The following TMEM39B variants were observed in gnomAD, a reference collection of about 807,000 sequenced individuals.
TMEM39B encodes the protein transmembrane protein 39B.
Under a neutral mutation model 52.2 loss-of-function variants are expected in TMEM39B, and 23 were observed. The observed-to-expected ratio is 0.44, with a 90% confidence interval of 0.32 to 0.62. TMEM39B has a LOEUF of 0.62. Among genes scored for constraint, TMEM39B ranks in the 20% least tolerant of loss-of-function variants. The probability of loss-of-function intolerance (pLI) is 0.06; values close to 1 mark genes in which losing one functional copy is unlikely to be tolerated. For missense variants in TMEM39B, 547 were observed against 642.0 expected (o/e 0.85, Z 1.60); for synonymous variants, 285 against 264.0 (o/e 1.08, Z -0.77).
chr1:32,077,950 G>A (rs968985062), intron 5 of TMEM39B, among the ~76,000 whole-genome samples: 2 of 152,192 alleles, frequency 1.3e-5, no homozygotes, highest in African/African-American at 4.8e-5. Flanking sequence ...GCATCAGGGA[G>A]AACTTTGGTG....
At chr1:32,076,556 A>T in intron 3 of TMEM39B, 2 of 691,178 alleles carry the variant, frequency 2.9e-6, no homozygotes, top group Non-Finnish European at 5.3e-6. Flanking sequence ...CCACTCTCTT[A>T]TCCCCAGGGA....
At chr1:32,072,058 A>G (rs1053138396), upstream of TMEM39B, 2 of 152,156 alleles carry the variant, frequency 1.3e-5, no homozygotes, top group African/African-American at 4.8e-5. Context: ...TACAGAATTT[A>G]CCAATTTTGT....
chr1:32,102,640 C>T lies in TMEM39B; in HGVS notation c.1446C>T (p.Ser482=). 1.2e-6 allele frequency: 2 copies of T among 1,602,160 alleles called. No homozygotes were observed. The highest frequency in any genetic ancestry group is 8.5e-7 in the Non-Finnish European group (1 of 1,173,060). Residue 482 remains serine (S), a synonymous_variant, in exon 9 of 9, where the codon AGC becomes AGT. Transcript: ENST00000336294. The part of the protein sequence containing the change: ...VLGKAYSYSA[S]PQRDLDHRFS ...GCAAGGCCTACTCATACTCTGCTAG[C>T]CCCCAGAGAGACCTGGACCACCGTT...
chr1:32,083,358 C>G (rs1640195413), intron 5 of TMEM39B, among the ~76,000 whole-genome samples: 1 of 146,724 alleles, frequency 6.8e-6, no homozygotes, highest in African/African-American at 2.5e-5. Context: ...GCTGGGATTA[C>G]AGGTGTGAGC....
At chr1:32,100,779 A>G (rs1028639243) in intron 8 of TMEM39B, 27 of 553,546 alleles carry the variant, frequency 4.9e-5, no homozygotes, top group South Asian at 4.5e-4. Context: ...TAATCCCAGC[A>G]CTTTGGGAGA....
intron 5 of TMEM39B, among the ~76,000 whole-genome samples, chr1:32,088,900 CCT>C (rs1239848626): frequency 3.9e-5 from 6 of 151,988 alleles, no homozygotes; most frequent in Non-Finnish European, 7.4e-5. Flanking sequence ...GAATCACTGG[CCT>C]CTTCCTTTTC....
chr1:32,093,437 G>C (rs1195836491), intron 6 of TMEM39B, among the ~76,000 whole-genome samples: 2 of 94,130 alleles, frequency 2.1e-5, no homozygotes, highest in African/African-American at 8.6e-5. Flanking sequence ...TTTAAGACTA[G>C]GTCTTGCTCT....
chr1:32,075,534 T>G, intron 2 of TMEM39B, 69 bp from the exon 3 acceptor site: 1 of 1,469,692 alleles, frequency 6.8e-7, no homozygotes, highest in Non-Finnish European at 9.2e-7. Context: ...CCACAATCCT[T>G]TGCCTCAGAA....
chr1:32,100,407 TG>T (rs1418972231), intron 7 of TMEM39B, 34 bp from the exon 8 acceptor site: 1 of 1,521,438 alleles, frequency 6.6e-7, no homozygotes, highest in African/African-American at 1.4e-5. Flanking sequence ...GTGGGTGAGC[TG>T]GGGATAAGGG....
chr1:32,100,374 C>T, intron 7 of TMEM39B, 68 bp from the exon 8 acceptor site: 1 of 1,489,644 alleles, frequency 6.7e-7, no homozygotes, highest in Non-Finnish European at 8.9e-7. Flanking sequence ...TTCCCTCCTG[C>T]CCATTCTTCT....
intron 2 of TMEM39B, 45 bp from the exon 3 acceptor site, chr1:32,075,558 G>A: frequency 1.3e-6 from 2 of 1,523,306 alleles, no homozygotes; most frequent in Non-Finnish European, 1.8e-6. Context: ...CTTCCTGGTA[G>A]GATTCTCAGG....
rs758005589 is a variant in TMEM39B, at chr1:32,077,178, G to T, written c.450G>T (p.Gly150=). ...CCCCGACCCAGGCCTCTCAGAGGGG[G>T]AAGGTCTCCCTCTTTCGCTCCATCC... ...GSIVKEASQR[G]KVSLFRSILL... is the part of the protein sequence containing the mutation. The change falls in exon 5 of 9, where the codon GGG becomes GGT. Residue 150 remains glycine, a synonymous_variant. Coordinates refer to ENST00000336294, the MANE Select transcript of TMEM39B (RefSeq NM_018056.4). The T allele has an allele frequency of 6.2e-7, 1 of 1,614,114 alleles. No homozygotes were observed. The highest frequency in any genetic ancestry group is 8.5e-7 in the Non-Finnish European group (1 of 1,180,030).
intron 5 of TMEM39B, among the ~76,000 whole-genome samples, chr1:32,088,847 G>A (rs1033996104): frequency 7.9e-5 from 12 of 152,022 alleles, no homozygotes; most frequent in African/African-American, 2.9e-4. Context: ...ACCCTGAAGA[G>A]TATTTCGGGA....
chr1:32,078,314 T>C (rs1639951221), intron 5 of TMEM39B, among the ~76,000 whole-genome samples: 1 of 151,974 alleles, frequency 6.6e-6, no homozygotes, highest in Non-Finnish European at 1.5e-5. Flanking sequence ...CGAAATCCTG[T>C]CTACTAAAAA....
rs745956202 is a variant in TMEM39B, at chr1:32,086,446, C to T, written c.591-5229C>T. 4.6e-5 allele frequency among the ~76,000 whole-genome samples: 7 copies of T among 152,098 alleles called. No homozygotes were observed. In the East Asian group the frequency reaches 5.8e-4, roughly 13 times the overall value. ...TGTGCTCTAAGTGTAAAATACACAC[C>T]GATTCTGAACCCTTAGTACACACAC... On this transcript the variant is annotated intron_variant, in intron 5 of 8. Coordinates refer to ENST00000336294, the MANE Select transcript of TMEM39B (RefSeq NM_018056.4).
intron 5 of TMEM39B, among the ~76,000 whole-genome samples, chr1:32,082,765 T>G (rs991476062): frequency 1.3e-5 from 2 of 150,572 alleles, no homozygotes; most frequent in South Asian, 4.2e-4. Context: ...CAGGAACTTT[T>G]TTTGTTTTTT....
At chr1:32,088,042 C>T (rs112700737) in intron 5 of TMEM39B, among the ~76,000 whole-genome samples, 4,322 of 141,954 alleles carry the variant, frequency 0.03, 250 homozygotes, top group East Asian at 0.24. Flanking sequence ...AGAAGAATGG[C>T]GTGAACCTGG....
In TMEM39B at chr1:32,101,656, G is replaced by A. The variant is rs181461661; in HGVS notation, c.1237-775G>A. On this transcript the variant is annotated intron_variant, in intron 8 of 8. Coordinates refer to ENST00000336294, the MANE Select transcript of TMEM39B (RefSeq NM_018056.4). Reference sequence around the variant, plus strand: ...AGTTGAGACATCCAAGCCCCAGAGAGGAAAGGGACTTGACCAAAGTATTGC... The same window carrying A: ...AGTTGAGACATCCAAGCCCCAGAGAAGAAAGGGACTTGACCAAAGTATTGC... 3.9e-5 allele frequency among the ~76,000 whole-genome samples: 6 copies of A among 152,270 alleles called. No homozygotes were observed. In the East Asian group the frequency reaches 1.2e-3, roughly 29 times the overall value.
chr1:32,076,816 C>T lies in TMEM39B; in HGVS notation c.405C>T (p.Gly135=), dbSNP rs778150489. Reference sequence around the variant, plus strand: ...TGATGGTGACCACCATCGTTCTGGGCCGCCGCTTCATTGGGTCCATCGTGA... The same window carrying T: ...TGATGGTGACCACCATCGTTCTGGGTCGCCGCTTCATTGGGTCCATCGTGA... ...NLLMVTTIVL[G]RRFIGSIVKE... The change falls in exon 4 of 9, where the codon GGC becomes GGT. Residue 135 remains glycine, a synonymous_variant. Coordinates refer to ENST00000336294, the MANE Select transcript of TMEM39B (RefSeq NM_018056.4). 2 of 1,614,036 alleles carry T rather than the reference C, an allele frequency of 1.2e-6. No homozygotes were observed. The highest frequency in any genetic ancestry group is 2.7e-5 in the African/African-American group (2 of 74,992).
Sources: allele counts gnomAD v4.1 joint callset (sites outside exome capture counted in the v4.1 genomes callset), GRCh38; gene constraint gnomAD v4.1.1; transcripts MANE v1.5; gene names NCBI Gene and HGNC (gene_info 2026-07-23, HGNC 2026-07-21).